Variants in FBN1 observed in about 807,000 individuals in gnomAD.
The protein encoded by FBN1 is fibrillin-1.
Under a neutral mutation model 365.1 loss-of-function variants are expected in FBN1, and 29 were observed. The observed-to-expected ratio is 0.08, with a 90% confidence interval of 0.06 to 0.11. The LOEUF is 0.11. Among genes scored for constraint, FBN1 ranks in the 10% least tolerant of loss-of-function variants. FBN1 has a pLI of 1.00. For missense variants in FBN1, 2,476 were observed against 3,703.2 expected (o/e 0.67, Z 8.60); for synonymous variants, 1,210 against 1,270.5 (o/e 0.95, Z 1.01).
At chr15:48,555,214 T>C (rs1299011809) in intron 6 of FBN1, among the ~76,000 whole-genome samples, 1 of 152,178 alleles carries the variant, frequency 6.6e-6, no homozygotes, top group African/African-American at 2.4e-5. Context: ...CCTGAAAATC[T>C]GTGCTCGGTT....
chr15:48,626,058 C>G (rs1287451592), intron 2 of FBN1, among the ~76,000 whole-genome samples: 1 of 151,874 alleles, frequency 6.6e-6, no homozygotes, highest in African/African-American at 2.4e-5. Context: ...AAAAAAAGAT[C>G]CAGCCTGGGC....
rs116817789 is a variant in FBN1, at chr15:48,422,158, T to C, written c.7454-90A>G. 1.3e-3 allele frequency: 1,098 copies of C among 871,820 alleles called. 8 individuals carry two copies. The African/African-American group carries it at 0.017, about 13-fold the overall frequency. 54.0% of individuals were successfully genotyped at this position (871,820 alleles called of 1,614,324 possible). A position where few individuals can be genotyped will look rare whatever the true frequency, so the allele number is the denominator to read the frequency against. On this transcript the variant is annotated intron_variant, in intron 60 of 65. Transcript: ENST00000316623. ...CTATGAAGCAGCTCCACGTTTGATT[T>C]GGAGGTCTCAAATGACCCTGACTAG...
In FBN1 at chr15:48,428,478, G is replaced by T; in HGVS notation, c.6872-7C>A. 6.2e-7 allele frequency: 1 copy of T among 1,613,780 alleles called. No homozygotes were observed. Among genetic ancestry groups the T allele is most frequent in the African/African-American group, 1.3e-5 (1 of 75,016 alleles). ...GTCTGACATTCATTCTCATCTGTTT[G>T]ATTTTATTGAAGGACCAAAAACAAG... is the stretch of plus-strand genomic sequence containing the variant. On this transcript the variant is annotated splice_region_variant and splice_polypyrimidine_tract_variant and intron_variant, in intron 56 of 65. Transcript: ENST00000316623.
At chr15:48,628,559 A>G (rs146955541) in intron 2 of FBN1, among the ~76,000 whole-genome samples, 60 of 152,324 alleles carry the variant, frequency 3.9e-4, no homozygotes, top group Admixed American at 8.5e-4. Flanking sequence ...TTCAAATGCC[A>G]GGCTCCTTCT....
chr15:48,491,542 G>A (rs1175938225), intron 24 of FBN1, among the ~76,000 whole-genome samples: 5 of 152,106 alleles, frequency 3.3e-5, no homozygotes, highest in African/African-American at 9.6e-5. Flanking sequence ...TAGTAGAAAC[G>A]GGGTTTCACC....
At chr15:48,622,714 C>T (rs186212059) in intron 2 of FBN1, among the ~76,000 whole-genome samples, 3 of 152,250 alleles carry the variant, frequency 2.0e-5, no homozygotes, top group Admixed American at 1.3e-4. Flanking sequence ...ACCAGGTAGG[C>T]CTAATCTACC....
intron 56 of FBN1, 148 bp downstream of exon 56, chr15:48,430,523 G>A (rs1264052156): frequency 2.4e-6 from 2 of 823,076 alleles, no homozygotes; most frequent in African/African-American, 3.4e-5. Context: ...ACGAGGCAAG[G>A]GAACCACCAT....
Position 48,488,178 on chromosome 15 carries a change from C to G in FBN1, c.3272G>C (p.Gly1091Ala). Residue 1091 changes from glycine (G) to alanine (A), a missense_variant, in exon 27 of 66, where the codon GGG becomes GCG. By Grantham distance (60) the Gly-to-Ala change is moderately conservative. Coordinates refer to ENST00000316623, the MANE Select transcript of FBN1 (RefSeq NM_000138.5). ...TTCGTCACACTTGCATTCAAAGTCC[C>G]CAGGGGTGTTCACACACTGGCCTCT... The part of the protein sequence containing the change: ...CGRGQCVNTP[G>A]DFECKCDEGY... 1 of 1,614,160 alleles carries G rather than the reference C, an allele frequency of 6.2e-7. No individual in the cohort carries two copies.
intron 36 of FBN1, 24 bp downstream of exon 36, chr15:48,470,610 T>C (rs1333348542): frequency 6.2e-7 from 1 of 1,613,516 alleles, no homozygotes; most frequent in Non-Finnish European, 8.5e-7. Flanking sequence ...AGGGAGCTGA[T>C]TTTGATGCCA....
Position 48,495,546 on chromosome 15 carries a change from C to T in FBN1, c.2462G>A (p.Cys821Tyr), listed in dbSNP as rs2043600123. ...AATAAAAGAGCCTGGGCTGTTCTTG[C>T]AGACTCCATTAATGCAAGGACTTGA... ...CESSPCINGVCKNSPGSFICE... is the reference protein window; with the variant it reads ...CESSPCINGVYKNSPGSFICE... Residue 821 changes from cysteine to tyrosine, a missense_variant, in exon 21 of 66, where the codon TGC (cysteine) becomes TAC (tyrosine). Transcript: ENST00000316623. 6.2e-7 allele frequency: 1 copy of T among 1,614,032 alleles called. No individual in the cohort carries two copies. Among genetic ancestry groups the T allele is most frequent in the Non-Finnish European group, 8.5e-7 (1 of 1,179,980 alleles).
chr15:48,584,150 G>T (rs913861431), intron 6 of FBN1, among the ~76,000 whole-genome samples: 1 of 152,070 alleles, frequency 6.6e-6, no homozygotes, highest in Non-Finnish European at 1.5e-5. Flanking sequence ...CATGTATTAT[G>T]TGCCAGATCC....
At chr15:48,415,443 C>T in intron 64 of FBN1, 93 bp downstream of exon 64, 1 of 974,340 alleles carries the variant, frequency 1.0e-6, no homozygotes, top group South Asian at 1.3e-5. Context: ...GCATGGTTCT[C>T]CTCTGCTAGG....
intron 32 of FBN1, among the ~76,000 whole-genome samples, chr15:48,480,257 T>C (rs2043456018): frequency 6.6e-6 from 1 of 152,154 alleles, no homozygotes; most frequent in Non-Finnish European, 1.5e-5. Context: ...AACAAAACAG[T>C]AGTATTATCC....
At chr15:48,526,351 G>T in intron 8 of FBN1, 96 bp from the exon 9 acceptor site, 1 of 1,342,878 alleles carries the variant, frequency 7.4e-7, no homozygotes, top group Non-Finnish European at 1.1e-6. Flanking sequence ...GTCAAATCAT[G>T]TCCCTGGAAA....
At chr15:48,633,259 T>C (rs889499653) in intron 2 of FBN1, among the ~76,000 whole-genome samples, 3 of 152,178 alleles carry the variant, frequency 2.0e-5, no homozygotes, top group Admixed American at 6.5e-5. Context: ...TGAGATGATA[T>C]GGAGGAAAAC....
At chr15:48,574,442 T>C (rs1295956427) in intron 6 of FBN1, among the ~76,000 whole-genome samples, 1 of 152,192 alleles carries the variant, frequency 6.6e-6, no homozygotes, top group African/African-American at 2.4e-5. Flanking sequence ...AAAGGTCTGC[T>C]GCTTCCAGGT....
chr15:48,535,709 C>A (rs1425520770), intron 7 of FBN1, among the ~76,000 whole-genome samples: 1 of 152,134 alleles, frequency 6.6e-6, no homozygotes, highest in African/African-American at 2.4e-5. Context: ...AAAGAAACAA[C>A]AATTTAGTTT....
rs1156984408 is a variant in FBN1, at chr15:48,481,682, C to T, written c.3937G>A (p.Gly1313Ser). ...GTACAGCCAGTTTTTCCTTTTTTGCCGGAGTAGCCCATATCACAGTGGCAG... is the reference window on the plus strand; with the variant it reads ...GTACAGCCAGTTTTTCCTTTTTTGCTGGAGTAGCCCATATCACAGTGGCAG... ...FICHCDMGYS[G>S]KKGKTGCTDI... Residue 1313 changes from glycine (G) to serine (S), a missense_variant, in exon 32 of 66, where the codon GGC (glycine) becomes AGC (serine). Physicochemically the swap from Gly to Ser is moderately conservative, Grantham distance 56 (BLOSUM62 0). This residue lies in a region of FBN1 where 1,780 missense variants were observed against 2,840.8 expected (regional missense o/e 0.63). Transcript: ENST00000316623. The T allele has an allele frequency of 1.3e-5, 21 of 1,613,268 alleles. No individual in the cohort carries two copies. The highest frequency in any genetic ancestry group is 2.2e-5 in the South Asian group (2 of 91,046).
At chr15:48,429,501 G>T (rs1389816556) in intron 56 of FBN1, among the ~76,000 whole-genome samples, 1 of 152,134 alleles carries the variant, frequency 6.6e-6, no homozygotes, top group Non-Finnish European at 1.5e-5. Flanking sequence ...AATAGTTCAG[G>T]GTCCCTCAGA....
Sources: allele counts gnomAD v4.1 joint callset (sites outside exome capture counted in the v4.1 genomes callset), GRCh38; gene constraint gnomAD v4.1.1; regional missense constraint gnomAD v4.1.1; transcripts MANE v1.5; gene names NCBI Gene and HGNC (gene_info 2026-07-23, HGNC 2026-07-21).